BCL2L12: variants seen among roughly 807,000 people sequenced by gnomAD.
BCL2L12 encodes the protein BCL2 like 12, also known as bcl-2-like protein 12.
In BCL2L12, 27 loss-of-function variants were observed where a neutral mutation model predicts 25.7. The ratio of observed to expected loss-of-function variants is 1.05; its 90% CI spans 0.78 to 1.45. BCL2L12 has a LOEUF of 1.45. BCL2L12 is among the 40% of genes most tolerant of loss of function. The pLI, the probability that BCL2L12 is intolerant of heterozygous loss-of-function variation, is 0.00. For missense variants in BCL2L12, 302 were observed against 329.8 expected (o/e 0.92, Z 0.65); for synonymous variants, 132 against 145.6 (o/e 0.91, Z 0.67).
intron 6 of BCL2L12, 117 bp from the exon 7 acceptor site, chr19:49,673,581 C>T: frequency 1.2e-6 from 1 of 852,278 alleles, no homozygotes. Context: ...TGTCTGTCAC[C>T]CTCCGCTCTC....
upstream of BCL2L12, chr19:49,665,439 TTTTCCTC>T (rs548257077): frequency 4.6e-4 from 90 of 196,176 alleles, 1 homozygote; most frequent in East Asian, 6.4e-3. Context: ...ACGCCTCCTC[TTTTCCTC>T]TTTCCTCCCT....
At chr19:49,670,605 G>A (rs1455586435) in intron 6 of BCL2L12, 117 bp downstream of exon 6, 21 of 1,377,116 alleles carry the variant, frequency 1.5e-5, no homozygotes, top group Non-Finnish European at 2.0e-5. Context: ...CAGCTCCACT[G>A]CGTTCGTTCT....
Position 49,670,385 on chromosome 19 carries a change from T to C in BCL2L12, c.599T>C (p.Met200Thr), listed in dbSNP as rs2081935236. 1 of 1,572,318 alleles carries C rather than the reference T, an allele frequency of 6.4e-7. No homozygotes were observed. Among genetic ancestry groups the C allele is most frequent in the Non-Finnish European group, 8.6e-7 (1 of 1,161,668 alleles). Residue 200 changes from methionine (M) to threonine (T), a missense_variant, in exon 6 of 7, where the codon ATG becomes ACG. By Grantham distance (81) the Met-to-Thr change is moderately conservative (BLOSUM62 -1). Transcript: ENST00000246784. The part of the protein sequence containing the change: ...PEPLARLALA[M>T]ELSRRVAGLG... ...CCCCTGGCCCGCCTGGCCCTAGCCATGGAGCTGAGCCGGCGCGTGGCCGGG... is the reference window on the plus strand; with the variant it reads ...CCCCTGGCCCGCCTGGCCCTAGCCACGGAGCTGAGCCGGCGCGTGGCCGGG...
rs1282791446 is a variant in BCL2L12, at chr19:49,670,437, C to T, written c.651C>T (p.Ser217=). Residue 217 remains serine (S), a synonymous_variant, in exon 6 of 7, where the codon AGC becomes AGT. Coordinates refer to ENST00000246784, the MANE Select transcript of BCL2L12 (RefSeq NM_138639.2). The stretch of plus-strand genomic sequence containing the variant: ...TGGGGGGCACCCTGGCCGGACTCAG[C>T]GTGGAGCACGTGCACAGCTTCACGC... The part of the protein sequence containing the change: ...AGLGGTLAGL[S]VEHVHSFTPW... 1 of 1,537,954 alleles carries T rather than the reference C, an allele frequency of 6.5e-7. No individual in the cohort carries two copies. Among genetic ancestry groups the T allele is most frequent in the South Asian group, 1.2e-5 (1 of 82,832 alleles).
intron 1 of BCL2L12, 109 bp downstream of exon 1, chr19:49,666,176 C>G: frequency 7.3e-7 from 1 of 1,369,206 alleles, no homozygotes; most frequent in Non-Finnish European, 9.7e-7. Flanking sequence ...GTCCAGGGTC[C>G]TCTAGATTCC....
rs2081983649 is a variant in BCL2L12 at position 49,672,617 on chromosome 19, A to C, written c.703-1081A>C. Among the ~76,000 whole-genome samples, 1 of 152,076 alleles carries C rather than the reference A, an allele frequency of 6.6e-6. No individual in the cohort carries two copies. Among genetic ancestry groups the C allele is most frequent in the South Asian group, 2.1e-4 (1 of 4,820 alleles). On this transcript the variant is annotated intron_variant, in intron 6 of 6. Coordinates refer to ENST00000246784, the MANE Select transcript of BCL2L12 (RefSeq NM_138639.2). This position sits in a 1 kb window ranked among gnomAD's most constrained non-coding sequence, Gnocchi z 4.1. The stretch of plus-strand genomic sequence containing the variant: ...AGTCGGGGGCGGTGGAGAATGCTGG[A>C]TTTAACTTAGCGGTGAAGCTGACAG...
At chr19:49,665,727 C>T (rs2081699882), upstream of BCL2L12, 3 of 1,468,170 alleles carry the variant, frequency 2.0e-6, no homozygotes, top group Non-Finnish European at 2.7e-6. Context: ...CCCCCTTTCC[C>T]GTCAGCTGAG....
At chr19:49,668,266 T>C (rs2081868954) in intron 3 of BCL2L12, among the ~76,000 whole-genome samples, 1 of 151,862 alleles carries the variant, frequency 6.6e-6, no homozygotes. Context: ...CGGCTAATTT[T>C]TTTTGTATTT....
At chr19:49,669,536 T>TAA (rs57156182) in intron 5 of BCL2L12, among the ~76,000 whole-genome samples, 2 of 132,696 alleles carry the variant, frequency 1.5e-5, no homozygotes, top group African/African-American at 2.8e-5. Context: ...ACTCTGTCTT[T>TAA]AAAAAAAAAA....
At chr19:49,665,634 C>A (rs933320458), upstream of BCL2L12, 2 of 695,300 alleles carry the variant, frequency 2.9e-6, no homozygotes, top group Non-Finnish European at 4.7e-6. Context: ...GCGTTACCTA[C>A]GATGGAAGGT....
chr19:49,669,731 T>C (rs1245952741), intron 5 of BCL2L12, among the ~76,000 whole-genome samples: 1 of 149,156 alleles, frequency 6.7e-6, no homozygotes, highest in Non-Finnish European at 1.5e-5. Context: ...GTGGGGGGAG[T>C]GGCTAAAATC....
In BCL2L12 at chr19:49,670,224, G is replaced by C. The variant is rs757737666; in HGVS notation, c.438G>C (p.Ser146=). 6.2e-7 allele frequency: 1 copy of C among 1,605,204 alleles called. No individual in the cohort carries two copies. Among genetic ancestry groups the C allele is most frequent in the East Asian group, 2.2e-5 (1 of 44,766 alleles). Residue 146 remains serine, a synonymous_variant, in exon 6 of 7, where the codon TCG becomes TCC. Coordinates refer to ENST00000246784, the MANE Select transcript of BCL2L12 (RefSeq NM_138639.2). ...EAEVINQKLA[S]DPALRSKLVR... is the part of the protein sequence containing the mutation. ...CCTCTTCCACCCTACAGCTGGCCTC[G>C]GACCCCGCCCTGCGCAGCAAGCTGG...
Position 49,668,862 on chromosome 19 carries a change from C to A in BCL2L12, c.262C>A (p.Pro88Thr). ...CYGLEPGPATPDFYALVAQRL... is the reference protein window; with the variant it reads ...CYGLEPGPATTDFYALVAQRL... The stretch of plus-strand genomic sequence containing the variant: ...TCTTTTCACCCCAGGCCCAGCTACT[C>A]CAGACTTCTATGCTTTGGTGGCCCA... Residue 88 changes from proline to threonine, a missense_variant, in exon 4 of 7, where the codon CCA (proline) becomes ACA (threonine). Physicochemically the swap from Pro to Thr is conservative, Grantham distance 38. Coordinates refer to ENST00000246784, the MANE Select transcript of BCL2L12 (RefSeq NM_138639.2). The A allele has an allele frequency of 6.2e-7, 1 of 1,612,862 alleles. No individual in the cohort carries two copies. Among genetic ancestry groups the A allele is most frequent in the Non-Finnish European group, 8.5e-7 (1 of 1,179,908 alleles).
At chr19:49,665,673 C>A (rs973633918), upstream of BCL2L12, 30 of 1,083,860 alleles carry the variant, frequency 2.8e-5, no homozygotes, top group Non-Finnish European at 3.9e-5. Flanking sequence ...GGAACCCACC[C>A]CTGTCTTGGA....
Position 49,669,075 on chromosome 19 carries a change from T to A in BCL2L12, c.389T>A (p.Val130Glu). The change falls in exon 5 of 7, where the codon GTG becomes GAG. Residue 130 changes from valine to glutamate, a missense_variant. Coordinates refer to ENST00000246784, the MANE Select transcript of BCL2L12 (RefSeq NM_138639.2). ...AAGGAAGCCATACTGCGGAGGCTGG[T>A]GGCCCTGCTGGAGGAGGAGGCAGAA... ...TEKEAILRRL[V>E]ALLEEEAEVI... is the part of the protein sequence containing the mutation. 6.2e-7 allele frequency: 1 copy of A among 1,614,104 alleles called. No homozygotes were observed.
In BCL2L12 at chr19:49,670,229, C is replaced by T; in HGVS notation, c.443C>T (p.Pro148Leu). The T allele has an allele frequency of 1.2e-6, 2 of 1,606,794 alleles. No homozygotes were observed. Among genetic ancestry groups the T allele is most frequent in the Non-Finnish European group, 1.7e-6 (2 of 1,179,490 alleles). Residue 148 changes from proline to leucine, a missense_variant, in exon 6 of 7, where the codon CCC becomes CTC. Physicochemically the swap from Pro to Leu is moderately conservative, Grantham distance 98. Transcript: ENST00000246784. ...EVINQKLASD[P>L]ALRSKLVRLS... ...TCCACCCTACAGCTGGCCTCGGACCCCGCCCTGCGCAGCAAGCTGGTCCGC... is the reference window on the plus strand; with the variant it reads ...TCCACCCTACAGCTGGCCTCGGACCTCGCCCTGCGCAGCAAGCTGGTCCGC...
chr19:49,666,672 C>G lies in BCL2L12; in HGVS notation c.-8-13C>G. ...AACCCTTGGAGTCCAGTCCCTAACC[C>G]TCTCTCTCACAGGTGCCTCCATGGC... On this transcript the variant is annotated splice_polypyrimidine_tract_variant and intron_variant, in intron 1 of 6. Coordinates refer to ENST00000246784, the MANE Select transcript of BCL2L12 (RefSeq NM_138639.2). 2 of 1,545,666 alleles carry G rather than the reference C, an allele frequency of 1.3e-6. No homozygotes were observed. The highest frequency in any genetic ancestry group is 1.7e-6 in the Non-Finnish European group (2 of 1,142,910).
chr19:49,671,611 G>A (rs150077991), intron 6 of BCL2L12, among the ~76,000 whole-genome samples: 173 of 152,294 alleles, frequency 1.1e-3, no homozygotes, highest in African/African-American at 4.0e-3. Context: ...GTACTCCAGT[G>A]TGGGTGACAG....
intron 1 of BCL2L12, among the ~76,000 whole-genome samples, 184 bp downstream of exon 1, chr19:49,666,251 A>G (rs2122778721): frequency 6.6e-6 from 1 of 152,350 alleles, no homozygotes; most frequent in East Asian, 1.9e-4. Context: ...GCGCGGACCT[A>G]GGGGAAGATT....
Sources: allele counts gnomAD v4.1 joint callset (sites outside exome capture counted in the v4.1 genomes callset), GRCh38; gene constraint gnomAD v4.1.1; non-coding constraint Gnocchi (gnomAD v3.1); transcripts MANE v1.5; gene names NCBI Gene and HGNC (gene_info 2026-07-23, HGNC 2026-07-21).